The following SRGAP2 variants were observed in gnomAD, a reference collection of about 807,000 sequenced individuals.
The protein encoded by SRGAP2 is SLIT-ROBO Rho GTPase-activating protein 2.
A neutral mutation model predicts 57.2 loss-of-function variants in SRGAP2; 15 were observed. The observed-to-expected ratio is 0.26, with a 90% CI of 0.18 to 0.40. The LOEUF is 0.40. SRGAP2 is among the 10% of genes least tolerant of loss of function. The pLI, the probability that SRGAP2 is intolerant of heterozygous loss-of-function variation, is 1.00. For synonymous variants in SRGAP2, 249 were observed against 248.0 expected (o/e 1.00, Z -0.04); for missense variants, 520 against 669.6 (o/e 0.78, Z 2.47).
At chr1:206,404,465 C>A (rs1301405371) in intron 8 of SRGAP2, among the ~76,000 whole-genome samples, 6 of 151,878 alleles carry the variant, frequency 4.0e-5, no homozygotes, top group African/African-American at 1.2e-4. Flanking sequence ...CACATGGGTC[C>A]TGCCTCCCAA....
At chr1:206,393,808 T>G (rs2480376) in intron 7 of SRGAP2, 135 bp downstream of exon 7, 5 of 483,386 alleles carry the variant, frequency 1.0e-5, no homozygotes, top group Non-Finnish European at 1.5e-5. Flanking sequence ...CCATGATCCA[T>G]CAGGGTGCTT....
intron 2 of SRGAP2, among the ~76,000 whole-genome samples, chr1:206,278,323 T>C (rs1670534948): frequency 6.7e-6 from 1 of 150,108 alleles, no homozygotes; most frequent in African/African-American, 2.5e-5. Context: ...CTTTTTAAAA[T>C]TTTTTCTTCT....
At chr1:206,452,627 G>A (rs537919695) in intron 19 of SRGAP2, among the ~76,000 whole-genome samples, 3 of 152,128 alleles carry the variant, frequency 2.0e-5, no homozygotes, top group Non-Finnish European at 4.4e-5. Flanking sequence ...CGTGGCTCAC[G>A]CCTGTAATCC....
At chr1:206,441,457 A>G (rs1238503729) in intron 17 of SRGAP2, among the ~76,000 whole-genome samples, 3 of 152,166 alleles carry the variant, frequency 2.0e-5, no homozygotes, top group Non-Finnish European at 2.9e-5. Flanking sequence ...GAGTCCCCAC[A>G]TGACAGGAAA....
chr1:206,203,984 C>G, intron 1 of SRGAP2: 1 of 1,263,482 alleles, frequency 7.9e-7, no homozygotes, highest in Non-Finnish European at 1.1e-6. Flanking sequence ...GTAGGGCAGT[C>G]GTCGTTGGCA....
At chr1:206,276,736 C>A (rs1198551544) in intron 2 of SRGAP2, among the ~76,000 whole-genome samples, 1 of 152,150 alleles carries the variant, frequency 6.6e-6, no homozygotes, top group African/African-American at 2.4e-5. Context: ...AAACCTACCT[C>A]TCTCCAGGGC....
chr1:206,461,347 A>G lies in SRGAP2; in HGVS notation c.3143A>G (p.Lys1048Arg), dbSNP rs782464656. The change falls in exon 23 of 23, where the codon AAA becomes AGA. Residue 1048 changes from lysine to arginine, a missense_variant. Physicochemically the swap from Lys to Arg is conservative, Grantham distance 26 (BLOSUM62 2). Around this residue, in one of 5 missense-constraint regions of SRGAP2, gnomAD observed 478 missense variants for 373.6 expected, o/e 1.28. Transcript: ENST00000573034. ...ATRPKPTVFP[K>R]TNATSPGVNS... ...CGGCCCAAGCCCACTGTCTTCCCCA[A>G]AACAAATGCCACTAGCCCTGGTGTC... The G allele has an allele frequency of 2.6e-6, 2 of 780,924 alleles. No homozygotes were observed. The highest frequency in any genetic ancestry group is 4.8e-6 in the Non-Finnish European group (2 of 417,986). 48.4% of individuals were successfully genotyped at this position (780,924 alleles called of 1,614,324 possible). A position where few individuals can be genotyped will look rare whatever the true frequency, so the allele number is the denominator to read the frequency against.
chr1:206,402,362 A>C (rs1207544489), intron 8 of SRGAP2, among the ~76,000 whole-genome samples: 1 of 152,150 alleles, frequency 6.6e-6, no homozygotes, highest in Admixed American at 6.5e-5. Context: ...AAAGGGCCTA[A>C]AAAAGCTAAA....
Position 206,266,966 on chromosome 1 carries a change from CTTTTTTTT to C in SRGAP2, c.68-36302_68-36295del, listed in dbSNP as rs1197579154. 1.1e-4 allele frequency among the ~76,000 whole-genome samples: 8 copies of C among 70,074 alleles called. No individual in the cohort carries two copies. The South Asian group carries it at 4.4e-3, about 39-fold the overall frequency. The allele number at this position is 70,074 out of a possible 152,430, so 46.0% of individuals were successfully genotyped here. A position where few individuals can be genotyped will look rare whatever the true frequency, so the allele number is the denominator to read the frequency against. ...CTAGAAATCTTTCCAGCAAAACTTA[CTTTTTTTT>C]TTTTTTTTTTTTGAGACGGAGTCTT... is the stretch of plus-strand genomic sequence containing the variant. On this transcript the variant is annotated intron_variant, in intron 2 of 22. Coordinates refer to ENST00000573034, the MANE Select transcript of SRGAP2 (RefSeq NM_015326.5).
At chr1:206,434,858 G>A (rs1205244097) in intron 14 of SRGAP2, among the ~76,000 whole-genome samples, 14 of 152,152 alleles carry the variant, frequency 9.2e-5, no homozygotes, top group Admixed American at 2.6e-4. Context: ...AGATGATGAC[G>A]CTCTTTCAAG....
chr1:206,257,726 A>T, intron 2 of SRGAP2, among the ~76,000 whole-genome samples: 1 of 115,380 alleles, frequency 8.7e-6, no homozygotes. Context: ...TGGTGGTAGG[A>T]AAGCAGACTA....
intron 4 of SRGAP2, among the ~76,000 whole-genome samples, chr1:206,353,697 A>AAAATAAATAAAT (rs546673732): frequency 7.0e-6 from 1 of 142,838 alleles, no homozygotes; most frequent in African/African-American, 2.9e-5. Context: ...TCCATCTCAA[A>AAAATAAATAAAT]AAATAAATAA....
intron 13 of SRGAP2, among the ~76,000 whole-genome samples, chr1:206,424,312 A>G (rs1660606259): frequency 2.0e-5 from 3 of 152,212 alleles, no homozygotes; most frequent in African/African-American, 7.2e-5. Flanking sequence ...GATTTCTAAC[A>G]TTGGAGGAGG....
At chr1:206,333,807 G>A (rs548104408) in intron 3 of SRGAP2, among the ~76,000 whole-genome samples, 2 of 152,364 alleles carry the variant, frequency 1.3e-5, no homozygotes, top group African/African-American at 4.8e-5. Flanking sequence ...TGGGTCTTAA[G>A]CATAGTTCAA....
intron 2 of SRGAP2, among the ~76,000 whole-genome samples, chr1:206,283,755 C>CT (rs1246357862): frequency 6.9e-6 from 1 of 145,172 alleles, no homozygotes; most frequent in Non-Finnish European, 1.5e-5. Flanking sequence ...AATGTCATTA[C>CT]TTTTATAGAC....
chr1:206,313,167 T>C (rs1553324864), intron 3 of SRGAP2, among the ~76,000 whole-genome samples: 2 of 143,828 alleles, frequency 1.4e-5, no homozygotes, highest in African/African-American at 5.2e-5. Context: ...CTTTTCAGCG[T>C]TTCTCCCAGC....
intron 19 of SRGAP2, among the ~76,000 whole-genome samples, chr1:206,452,109 G>A (rs1442049789): frequency 2.0e-5 from 3 of 152,182 alleles, no homozygotes; most frequent in East Asian, 3.9e-4. Flanking sequence ...CTTACTATGG[G>A]CGGGACACTG....
chr1:206,442,708 G>A (rs1279671133), intron 17 of SRGAP2, among the ~76,000 whole-genome samples: 7 of 152,202 alleles, frequency 4.6e-5, no homozygotes, highest in Non-Finnish European at 1.0e-4. Context: ...TTAAAAAAAT[G>A]CAGCATTAAT....
At chr1:206,425,896 G>T (rs1241208193) in intron 13 of SRGAP2, among the ~76,000 whole-genome samples, 1 of 150,258 alleles carries the variant, frequency 6.7e-6, no homozygotes, top group Non-Finnish European at 1.5e-5. Context: ...GCCCAGGCTG[G>T]GGTGCAATGG....
Sources: allele counts gnomAD v4.1 joint callset (sites outside exome capture counted in the v4.1 genomes callset), GRCh38; gene constraint gnomAD v4.1.1; regional missense constraint gnomAD v4.1.1; transcripts MANE v1.5; gene names NCBI Gene and HGNC (gene_info 2026-07-23, HGNC 2026-07-21).